The following ZNF592 variants were observed in gnomAD, a reference collection of about 807,000 sequenced individuals.
The protein encoded by ZNF592 is zinc finger protein 592.
Under a neutral mutation model 80.3 loss-of-function variants are expected in ZNF592, and 11 were observed. That is an observed-to-expected ratio of 0.14 (90% confidence interval 0.09 to 0.23). ZNF592 has a LOEUF of 0.23. ZNF592 is among the 10% of genes least tolerant of loss of function. ZNF592 has a pLI of 1.00. For synonymous variants in ZNF592, 646 were observed against 640.3 expected (o/e 1.01, Z -0.13); for missense variants, 1,420 against 1,633.9 (o/e 0.87, Z 2.26).
rs770292844 is a variant in ZNF592 at position 84,783,848 on chromosome 15, C to T, written c.1173C>T (p.Val391=). The T allele has an allele frequency of 1.2e-6, 2 of 1,614,242 alleles. No individual in the cohort carries two copies. The highest frequency in any genetic ancestry group is 1.1e-5 in the South Asian group (1 of 91,090). Residue 391 remains valine (V), a synonymous_variant, in exon 4 of 11, where the codon GTC becomes GTT. Coordinates refer to ENST00000560079, the MANE Select transcript of ZNF592 (RefSeq NM_014630.3). This position sits in a 1 kb window ranked among gnomAD's most constrained non-coding sequence, Gnocchi z 5.0. ...KTSSGEIKRT[V]TRILPDPDDP... is the part of the protein sequence containing the mutation. ...CATCAGGGGAAATCAAACGGACTGT[C>T]ACAAGGATCCTGCCAGATCCTGATG... is the stretch of plus-strand genomic sequence containing the variant.
At chr15:84,777,121 G>A (rs1962276285) in intron 2 of ZNF592, among the ~76,000 whole-genome samples, 1 of 151,718 alleles carries the variant, frequency 6.6e-6, no homozygotes, top group Non-Finnish European at 1.5e-5. Context: ...GGCCTGCCTA[G>A]TTTCTTCTAT....
intron 1 of ZNF592, 67 bp from the exon 2 acceptor site, chr15:84,764,640 C>T: frequency 2.5e-6 from 1 of 397,448 alleles, no homozygotes; most frequent in Admixed American, 4.4e-5. Context: ...TTTAAACTAT[C>T]TTTCCTTACT....
chr15:84,782,753 C>T lies in ZNF592; in HGVS notation c.78C>T (p.Ala26=). The T allele has an allele frequency of 6.2e-7, 1 of 1,614,084 alleles. No individual in the cohort carries two copies. ...FDIPDPTSLD[A]KEAIQTPSEE... is the part of the protein sequence containing the mutation. ...TCCCAGACCCCACCAGCCTTGATGC[C>T]AAGGAGGCCATCCAGACACCCAGTG... is the stretch of plus-strand genomic sequence containing the variant. Residue 26 remains alanine (A), a synonymous_variant, in exon 4 of 11, where the codon GCC becomes GCT. Coordinates refer to ENST00000560079, the MANE Select transcript of ZNF592 (RefSeq NM_014630.3).
At chr15:84,788,261 C>G (rs1962644314) in intron 4 of ZNF592, among the ~76,000 whole-genome samples, 1 of 152,208 alleles carries the variant, frequency 6.6e-6, no homozygotes, top group Non-Finnish European at 1.5e-5. Flanking sequence ...CTGATCCCTT[C>G]ATTGTAAAGC....
intron 2 of ZNF592, among the ~76,000 whole-genome samples, chr15:84,774,416 T>C (rs1285633263): frequency 6.6e-6 from 1 of 152,208 alleles, no homozygotes; most frequent in Non-Finnish European, 1.5e-5. Flanking sequence ...TTTTCATGAG[T>C]CCTTATTCAG....
intron 5 of ZNF592, among the ~76,000 whole-genome samples, chr15:84,796,525 A>G (rs1279637885): frequency 6.6e-6 from 1 of 151,940 alleles, no homozygotes; most frequent in Non-Finnish European, 1.5e-5. Context: ...GACTGAACAC[A>G]GGAGAGGGAC....
At chr15:84,793,074 A>C (rs1218101540) in intron 5 of ZNF592, among the ~76,000 whole-genome samples, 1 of 150,292 alleles carries the variant, frequency 6.7e-6, no homozygotes, top group Non-Finnish European at 1.5e-5. Context: ...GAATCCAAGA[A>C]AAAAAATTTT....
At chr15:84,774,070 C>T (rs1962171159) in intron 2 of ZNF592, among the ~76,000 whole-genome samples, 1 of 152,214 alleles carries the variant, frequency 6.6e-6, no homozygotes. Flanking sequence ...ATCCATTATT[C>T]TAAAAGTATA....
At chr15:84,770,669 G>A (rs887471426) in intron 2 of ZNF592, among the ~76,000 whole-genome samples, 1 of 151,916 alleles carries the variant, frequency 6.6e-6, no homozygotes, top group African/African-American at 2.4e-5. Flanking sequence ...CTAGACCGGT[G>A]CAGTGGAATC....
intron 2 of ZNF592, among the ~76,000 whole-genome samples, chr15:84,772,114 G>C (rs1183451008): frequency 7.2e-5 from 11 of 152,108 alleles, no homozygotes; most frequent in Non-Finnish European, 8.8e-5. Flanking sequence ...TATTCTTTTA[G>C]CTATACCATT....
chr15:84,757,814 A>G (rs1198167956), intron 1 of ZNF592, among the ~76,000 whole-genome samples: 2 of 149,106 alleles, frequency 1.3e-5, no homozygotes, highest in African/African-American at 5.0e-5. Flanking sequence ...ACACGCTGCC[A>G]TGTCTGGCTT....
intron 1 of ZNF592, among the ~76,000 whole-genome samples, chr15:84,763,258 G>A (rs191727564): frequency 2.4e-4 from 36 of 152,306 alleles, no homozygotes; most frequent in African/African-American, 7.2e-4. Flanking sequence ...CCAAGCATGC[G>A]TGTGTGATTA....
intron 2 of ZNF592, among the ~76,000 whole-genome samples, chr15:84,769,913 C>G (rs113806682): frequency 0.012 from 1,895 of 152,266 alleles, 40 homozygotes; most frequent in African/African-American, 0.042. Flanking sequence ...GTAGCTGGTA[C>G]TACAGGCATG....
At chr15:84,787,838 G>A (rs932952269) in intron 4 of ZNF592, among the ~76,000 whole-genome samples, 34 of 152,280 alleles carry the variant, frequency 2.2e-4, no homozygotes, top group Admixed American at 2.0e-3. Flanking sequence ...TATACATCAC[G>A]TTTGTTTATG....
At chr15:84,777,812 G>A (rs182292887) in intron 2 of ZNF592, among the ~76,000 whole-genome samples, 23 of 146,968 alleles carry the variant, frequency 1.6e-4, no homozygotes, top group Admixed American at 3.5e-4. Flanking sequence ...CCATTCCCCT[G>A]CTTCAGCCTC....
chr15:84,766,602 T>TG (rs1020245143), intron 2 of ZNF592, among the ~76,000 whole-genome samples: 2 of 147,214 alleles, frequency 1.4e-5, no homozygotes, highest in Admixed American at 1.4e-4. Context: ...GCTGGAGAGT[T>TG]GGGGGGCGGA....
At position 84,784,348 on chromosome 15, in the gene ZNF592, T is replaced by C. The variant is rs762720033; in HGVS notation, c.1673T>C (p.Val558Ala). The C allele has an allele frequency of 2.5e-6, 4 of 1,614,050 alleles. No homozygotes were observed. The highest frequency in any genetic ancestry group is 3.4e-6 in the Non-Finnish European group (4 of 1,180,034). ...CTGATTGTAGAGGTCTTCAACAAGG[T>C]CCTTCACAGCTCCAACCCCGTGCCC... ...APLIVEVFNK[V>A]LHSSNPVPLY... The change falls in exon 4 of 11, where the codon GTC becomes GCC. Residue 558 changes from valine (V) to alanine (A), a missense_variant. By Grantham distance (64) the Val-to-Ala change is moderately conservative (BLOSUM62 0). Transcript: ENST00000560079. This position sits in a 1 kb window ranked among gnomAD's most constrained non-coding sequence, Gnocchi z 5.8.
intron 1 of ZNF592, among the ~76,000 whole-genome samples, chr15:84,761,719 C>T (rs566824891): frequency 4.3e-4 from 65 of 152,296 alleles, no homozygotes; most frequent in African/African-American, 1.5e-3. Context: ...TCTTTCTGGT[C>T]TGCTGAAAAC....
rs777768189 is a variant in ZNF592, at chr15:84,798,283, G to A, written c.2577-32G>A. ...GGTGGAGGGGCTGCATGGTGCCTTG[G>A]CCACCTCACCCCCTAGGGCTTGTCT... On this transcript the variant is annotated intron_variant, in intron 6 of 10. Coordinates refer to ENST00000560079, the MANE Select transcript of ZNF592 (RefSeq NM_014630.3). This position sits in a 1 kb window ranked among gnomAD's most constrained non-coding sequence, Gnocchi z 4.5. The A allele has an allele frequency of 1.2e-6, 2 of 1,613,726 alleles. No homozygotes were observed. Among genetic ancestry groups the A allele is most frequent in the South Asian group, 1.1e-5 (1 of 91,026 alleles).
Sources: gnomAD v4.1 joint callset for allele counts (sites outside exome capture counted in the v4.1 genomes callset) on GRCh38, gnomAD v4.1.1 for gene constraint, Gnocchi (gnomAD v3.1) non-coding constraint, MANE v1.5 for transcripts, NCBI Gene and HGNC (gene_info 2026-07-23, HGNC 2026-07-21) for gene names.